EPHB1: variants seen among roughly 807,000 people sequenced by gnomAD.
EPHB1 encodes EPH receptor B1.
EPHB1 carries 30 observed loss-of-function variants against 94.4 expected under a neutral mutation model. That is an observed-to-expected ratio of 0.32 (90% CI 0.24 to 0.43). The LOEUF is 0.43. Ranked by LOEUF, EPHB1 falls within the 20% of genes least tolerant of loss-of-function variation. The probability of loss-of-function intolerance (pLI) is 1.00; values close to 1 mark genes in which losing one functional copy is unlikely to be tolerated. For missense variants in EPHB1, 1,055 were observed against 1,308.3 expected, an observed-to-expected ratio of 0.81 and a Z score of 2.99; for synonymous variants, 522 against 489.1, an observed-to-expected ratio of 1.07 and a Z score of -0.89.
intron 3 of EPHB1, among the ~76,000 whole-genome samples, chr3:135,081,111 G>A (rs1009697080): frequency 6.6e-6 from 1 of 152,162 alleles, no homozygotes; most frequent in African/African-American, 2.4e-5. Context: ...GGGAGGGGAG[G>A]TGGAAGAAGG....
chr3:135,107,619 C>G (rs1019531333), intron 4 of EPHB1, among the ~76,000 whole-genome samples: 17 of 152,266 alleles, frequency 1.1e-4, no homozygotes, highest in African/African-American at 4.1e-4. Context: ...CATCCATCCC[C>G]ATCACAGAAG....
intron 1 of EPHB1, among the ~76,000 whole-genome samples, chr3:134,908,994 G>T: frequency 6.6e-6 from 1 of 151,914 alleles, no homozygotes; most frequent in African/African-American, 2.4e-5. Context: ...AACAGAGGTA[G>T]GATGTGCCCA....
intron 3 of EPHB1, among the ~76,000 whole-genome samples, chr3:135,024,773 A>G (rs553643609): frequency 2.7e-4 from 41 of 152,090 alleles, no homozygotes; most frequent in Middle Eastern, 6.8e-3. Flanking sequence ...AACACTTCCT[A>G]TCTGTTTCTT....
chr3:135,143,310 C>T (rs759659820), intron 5 of EPHB1, among the ~76,000 whole-genome samples: 24 of 152,090 alleles, frequency 1.6e-4, no homozygotes, highest in Non-Finnish European at 3.2e-4. Flanking sequence ...GTGGGCTGCT[C>T]TGAGGAGGAG....
In EPHB1 at chr3:135,248,422, G is replaced by A. The variant is rs748426868; in HGVS notation, c.2603G>A (p.Arg868Gln). The A allele has an allele frequency of 1.9e-6, 3 of 1,613,890 alleles. No homozygotes were observed. Among genetic ancestry groups the A allele is most frequent in the African/African-American group, 2.7e-5 (2 of 75,014 alleles). Reference sequence around the variant, plus strand: ...TGTTGGCAGAAGGACCGGAACAGCCGGCCCCGGTTTGCGGAGATTGTCAAC... The same window carrying A: ...TGTTGGCAGAAGGACCGGAACAGCCAGCCCCGGTTTGCGGAGATTGTCAAC... ...LDCWQKDRNS[R>Q]PRFAEIVNTL... is the part of the protein sequence containing the mutation. Residue 868 changes from arginine to glutamine, a missense_variant, in exon 14 of 16, where the codon CGG becomes CAG. Physicochemically the swap from Arg to Gln is conservative, Grantham distance 43. Transcript: ENST00000398015.
At chr3:135,193,929 G>A (rs1942529227) in intron 11 of EPHB1, among the ~76,000 whole-genome samples, 1 of 152,252 alleles carries the variant, frequency 6.6e-6, no homozygotes, top group African/African-American at 2.4e-5. Flanking sequence ...TGTGGAGTCA[G>A]TTGCAGTAGC....
At chr3:134,941,744 T>TACAC (rs1560307333) in intron 2 of EPHB1, among the ~76,000 whole-genome samples, 94 of 116,284 alleles carry the variant, frequency 8.1e-4, no homozygotes, top group Non-Finnish European at 1.4e-3. Flanking sequence ...GCTTTACATA[T>TACAC]GCACACAGAC....
chr3:135,183,034 C>CTTTTCT (rs10694308), intron 10 of EPHB1, among the ~76,000 whole-genome samples: 1,181 of 61,718 alleles, frequency 0.019, 2 homozygotes, highest in Admixed American at 0.027. Context: ...TCTTTTCTTT[C>CTTTTCT]TTTCTTTCTT....
chr3:134,868,017 C>T (rs999269072), intron 1 of EPHB1, among the ~76,000 whole-genome samples: 1 of 152,210 alleles, frequency 6.6e-6, no homozygotes, highest in African/African-American at 2.4e-5. Context: ...AGAAGGGACT[C>T]TGATTCCACC....
At chr3:134,961,395 G>A (rs182029595) in intron 3 of EPHB1, among the ~76,000 whole-genome samples, 142 of 152,284 alleles carry the variant, frequency 9.3e-4, no homozygotes, top group African/African-American at 3.1e-3. Flanking sequence ...ATGGAACACC[G>A]TTACTTCCGA....
intron 2 of EPHB1, among the ~76,000 whole-genome samples, chr3:134,936,168 CA>C (rs1378370556): frequency 6.6e-6 from 1 of 151,858 alleles, no homozygotes; most frequent in African/African-American, 2.4e-5. Flanking sequence ...TGAGGAGGGG[CA>C]AATGTTCAAA....
intron 4 of EPHB1, among the ~76,000 whole-genome samples, chr3:135,120,431 G>C (rs1231681187): frequency 6.6e-6 from 1 of 152,172 alleles, no homozygotes; most frequent in Non-Finnish European, 1.5e-5. Flanking sequence ...GGAATAGTGA[G>C]CTTTCTTCTG....
At chr3:134,889,880 G>T (rs1003621966) in intron 1 of EPHB1, among the ~76,000 whole-genome samples, 12 of 151,138 alleles carry the variant, frequency 7.9e-5, no homozygotes, top group Non-Finnish European at 1.6e-4. Context: ...GGGTTTCACC[G>T]TGTTAGCCAG....
At chr3:135,143,302 G>A (rs536124686) in intron 5 of EPHB1, among the ~76,000 whole-genome samples, 4 of 152,114 alleles carry the variant, frequency 2.6e-5, no homozygotes, top group East Asian at 1.9e-4. Flanking sequence ...GCAGCCTGGT[G>A]GGCTGCTCTG....
chr3:134,965,623 C>G lies in EPHB1; in HGVS notation c.805+13571C>G, dbSNP rs7627341. Among the ~76,000 whole-genome samples the G allele has an allele frequency of 4.9e-3, 751 of 152,274 alleles. 6 individuals carry two copies. Among genetic ancestry groups the G allele is most frequent in the African/African-American group, 0.016 (658 of 41,558 alleles). ...ACAATTATTTTGGAGAGTGTTTTATCTGTGGAGATTGATTTTTTCAGTCAT... is the reference window on the plus strand; with the variant it reads ...ACAATTATTTTGGAGAGTGTTTTATGTGTGGAGATTGATTTTTTCAGTCAT... On this transcript the variant is annotated intron_variant, in intron 3 of 15. Coordinates refer to ENST00000398015, the MANE Select transcript of EPHB1 (RefSeq NM_004441.5).
chr3:134,957,935 C>G (rs954206074), intron 3 of EPHB1, among the ~76,000 whole-genome samples: 1 of 152,144 alleles, frequency 6.6e-6, no homozygotes, highest in African/African-American at 2.4e-5. Context: ...AACAGAAGAA[C>G]AGAACAGCTC....
intron 2 of EPHB1, among the ~76,000 whole-genome samples, chr3:134,950,922 A>G (rs1240046258): frequency 6.6e-6 from 1 of 152,226 alleles, no homozygotes; most frequent in Non-Finnish European, 1.5e-5. Flanking sequence ...GAATTTCACC[A>G]CAATAAAGAA....
At chr3:135,050,647 T>A (rs1937142092) in intron 3 of EPHB1, among the ~76,000 whole-genome samples, 1 of 152,168 alleles carries the variant, frequency 6.6e-6, no homozygotes, top group Admixed American at 6.5e-5. Context: ...GTTTTCGTCA[T>A]GGGGCTGGAT....
chr3:135,003,858 C>T (rs1462591992), intron 3 of EPHB1, among the ~76,000 whole-genome samples: 4 of 152,006 alleles, frequency 2.6e-5, no homozygotes, highest in Non-Finnish European at 5.9e-5. Context: ...TGTGTCTCTG[C>T]ACGTGAGATG....
Sources: gnomAD v4.1 joint callset for allele counts (sites outside exome capture counted in the v4.1 genomes callset) on GRCh38, gnomAD v4.1.1 for gene constraint, MANE v1.5 for transcripts, NCBI Gene and HGNC (gene_info 2026-07-23, HGNC 2026-07-21) for gene names.